The following FGF14 variants were observed in gnomAD, a reference collection of about 807,000 sequenced individuals.
FGF14 encodes fibroblast growth factor homologous factor 4.
Under a neutral mutation model 25.5 loss-of-function variants are expected in FGF14, and 5 were observed. The ratio of observed to expected loss-of-function variants is 0.20; its 90% CI spans 0.10 to 0.41. The LOEUF (loss-of-function observed/expected upper bound fraction) is 0.41, where lower values mean the gene tolerates loss of function less well. Among genes scored for constraint, FGF14 ranks in the 10% least tolerant of loss-of-function variants. The pLI, the probability that FGF14 is intolerant of heterozygous loss-of-function variation, is 1.00. For missense variants in FGF14, 222 were observed against 320.1 expected, an observed-to-expected ratio of 0.69 and a Z score of 2.34; for synonymous variants, 138 against 118.3, an observed-to-expected ratio of 1.17 and a Z score of -1.08.
intron 3 of FGF14, among the ~76,000 whole-genome samples, chr13:101,739,556 A>G (rs1418190471): frequency 6.6e-6 from 1 of 152,166 alleles, no homozygotes; most frequent in Non-Finnish European, 1.5e-5. Flanking sequence ...CTAGACTAAG[A>G]GCAGCGTGAA....
intron 1 of FGF14, among the ~76,000 whole-genome samples, chr13:101,930,940 C>A (rs2034711063): frequency 6.6e-6 from 1 of 152,142 alleles, no homozygotes; most frequent in Non-Finnish European, 1.5e-5. Context: ...AAGTTAGAGT[C>A]CAACAAATTT....
At chr13:102,111,485 C>T (rs923932783) in intron 1 of FGF14, among the ~76,000 whole-genome samples, 2 of 152,124 alleles carry the variant, frequency 1.3e-5, no homozygotes, top group African/African-American at 4.8e-5. Context: ...GAGGCCAAGG[C>T]AGGTAGATTG....
intron 1 of FGF14, among the ~76,000 whole-genome samples, chr13:102,016,462 T>G (rs2040351522): frequency 6.6e-6 from 1 of 152,116 alleles, no homozygotes. Flanking sequence ...TTCTAAAAAT[T>G]TTTATTGTTG....
At chr13:101,926,563 G>T (rs891858857) in intron 1 of FGF14, among the ~76,000 whole-genome samples, 10 of 152,182 alleles carry the variant, frequency 6.6e-5, no homozygotes, top group Non-Finnish European at 1.3e-4. Context: ...CCAGTGAATT[G>T]TGAGAATGCA....
In FGF14 at chr13:102,357,123, G is replaced by T. The variant is rs548916658; in HGVS notation, c.208+44348C>A. ...TAACACAGGCTACTTCCATTATAAT[G>T]TTTTTTTTTTTTTAATGAAAGCATC... On this transcript the variant is annotated intron_variant, in intron 1 of 4. Transcript: ENST00000376131. 7.2e-3 allele frequency among the ~76,000 whole-genome samples: 1,039 copies of T among 144,878 alleles called. 12 individuals are homozygous for T. Among genetic ancestry groups the T allele is most frequent in the African/African-American group, 0.021 (819 of 39,694 alleles).
intron 1 of FGF14, among the ~76,000 whole-genome samples, chr13:101,892,514 A>G (rs2029899031): frequency 6.6e-6 from 1 of 152,198 alleles, no homozygotes; most frequent in African/African-American, 2.4e-5. Context: ...AGTAAAAGGA[A>G]TTAAGCTTGT....
chr13:101,911,705 C>G (rs2032953422), intron 1 of FGF14, among the ~76,000 whole-genome samples: 1 of 151,982 alleles, frequency 6.6e-6, no homozygotes, highest in Non-Finnish European at 1.5e-5. Flanking sequence ...CAAAACAAAA[C>G]AAAACTCAAC....
chr13:102,033,002 T>C (rs1302913505), intron 1 of FGF14, among the ~76,000 whole-genome samples: 1 of 152,056 alleles, frequency 6.6e-6, no homozygotes, highest in Non-Finnish European at 1.5e-5. Context: ...CAATCAAAAC[T>C]TCACTTGACC....
At position 102,283,570 on chromosome 13, in the gene FGF14, T is replaced by C. The variant is rs192968444; in HGVS notation, c.208+117901A>G. Among the ~76,000 whole-genome samples, 4 of 152,366 alleles carry C rather than the reference T, an allele frequency of 2.6e-5. No individual in the cohort carries two copies. In the East Asian group the frequency reaches 5.8e-4, roughly 22 times the overall value. On this transcript the variant is annotated intron_variant, in intron 1 of 4. Transcript: ENST00000376131. The stretch of plus-strand genomic sequence containing the variant: ...GCCATCAATTTTATTTCACCATTTC[T>C]TCAAATTTAGTGTAAATTCCAACCA...
intron 1 of FGF14, among the ~76,000 whole-genome samples, chr13:102,078,941 T>C (rs2140184978): frequency 6.6e-6 from 1 of 152,330 alleles, no homozygotes; most frequent in Non-Finnish European, 1.5e-5. Context: ...TAAGAAGTCC[T>C]GTGGACAATG....
chr13:102,021,136 C>G (rs1044021058), intron 1 of FGF14, among the ~76,000 whole-genome samples: 1 of 151,538 alleles, frequency 6.6e-6, no homozygotes, highest in South Asian at 2.1e-4. Flanking sequence ...AACAGAAGGC[C>G]GAGAGTAAAG....
At chr13:102,058,574 T>A (rs561750979) in intron 1 of FGF14, among the ~76,000 whole-genome samples, 1 of 152,202 alleles carries the variant, frequency 6.6e-6, no homozygotes, top group African/African-American at 2.4e-5. Flanking sequence ...TAGACAAATA[T>A]AAAGGGTAAA....
chr13:101,937,056 G>A (rs1216518489), intron 1 of FGF14, among the ~76,000 whole-genome samples: 1 of 152,146 alleles, frequency 6.6e-6, no homozygotes, highest in Non-Finnish European at 1.5e-5. Context: ...TGCTAAAAAG[G>A]ATGGCGCTTT....
chr13:102,076,524 T>C (rs2043370110), intron 1 of FGF14, among the ~76,000 whole-genome samples: 1 of 152,152 alleles, frequency 6.6e-6, no homozygotes, highest in East Asian at 1.9e-4. Context: ...ATATCCCCAT[T>C]GTTAAGCAAC....
intron 1 of FGF14, among the ~76,000 whole-genome samples, chr13:101,910,150 G>A (rs1594692890): frequency 2.6e-5 from 4 of 151,976 alleles, no homozygotes; most frequent in Non-Finnish European, 4.4e-5. Flanking sequence ...GTTAAATGAC[G>A]AGTTACTGGG....
chr13:102,203,712 C>T (rs2049777128), intron 1 of FGF14, among the ~76,000 whole-genome samples: 1 of 152,028 alleles, frequency 6.6e-6, no homozygotes, highest in Non-Finnish European at 1.5e-5. Context: ...TTTAAGTGTA[C>T]TTCATGAAGT....
chr13:101,821,651 C>CCA (rs2042162436), intron 3 of FGF14, among the ~76,000 whole-genome samples: 1 of 152,170 alleles, frequency 6.6e-6, no homozygotes, highest in Admixed American at 6.5e-5. Context: ...AACTGACATG[C>CCA]CAATAGCCGT....
At chr13:102,398,847 C>T (rs2058638340) in intron 1 of FGF14, among the ~76,000 whole-genome samples, 2 of 148,826 alleles carry the variant, frequency 1.3e-5, no homozygotes, top group South Asian at 4.2e-4. Flanking sequence ...AATAATGTGA[C>T]ACATTAATGT....
intron 1 of FGF14, among the ~76,000 whole-genome samples, chr13:101,990,190 T>C (rs2038819496): frequency 6.6e-6 from 1 of 152,172 alleles, no homozygotes; most frequent in African/African-American, 2.4e-5. Flanking sequence ...AGGGCCTGAG[T>C]GCTGCCACTG....
Sources: gnomAD v4.1 joint callset for allele counts (sites outside exome capture counted in the v4.1 genomes callset) on GRCh38, gnomAD v4.1.1 for gene constraint, MANE v1.5 for transcripts, NCBI Gene and HGNC (gene_info 2026-07-23, HGNC 2026-07-21) for gene names.